SH3GL1: variants seen among roughly 807,000 people sequenced by gnomAD.
SH3GL1 encodes the protein SH3 domain containing GRB2 like 1, endophilin A2, also known as endophilin-A2.
SH3GL1 carries 21 observed loss-of-function variants against 48.8 expected under a neutral mutation model. The observed-to-expected ratio is 0.43, with a 90% CI of 0.30 to 0.62. The LOEUF is 0.62. Ranked by LOEUF, SH3GL1 falls within the 20% of genes least tolerant of loss-of-function variation. The pLI is 0.11. For synonymous variants in SH3GL1, 282 were observed against 217.5 expected (o/e 1.30, Z -2.61); for missense variants, 454 against 503.0 (o/e 0.90, Z 0.93).
chr19:4,371,519 C>T (rs936258771), intron 1 of SH3GL1, among the ~76,000 whole-genome samples: 1 of 152,248 alleles, frequency 6.6e-6, no homozygotes, highest in African/African-American at 2.4e-5. Flanking sequence ...GGTGCCCCAG[C>T]AGACTATCTG....
chr19:4,382,295 T>TCAC (rs1973151026), intron 1 of SH3GL1, among the ~76,000 whole-genome samples: 1 of 137,106 alleles, frequency 7.3e-6, no homozygotes, highest in Non-Finnish European at 1.6e-5. Context: ...TCTCGCTCTG[T>TCAC]CACCCAGGCT....
chr19:4,400,497 C>T lies in SH3GL1; in HGVS notation c.-129G>A, dbSNP rs557858161. ...CCGCCACCCGCTTGCCAGCTCCGCG[C>T]CCGCCCCGGCGCCGCCTCAGCCGCT... On this transcript the variant is annotated 5_prime_UTR_variant, in exon 1 of 10. Coordinates refer to ENST00000269886, the MANE Select transcript of SH3GL1 (RefSeq NM_003025.4). The surrounding 1 kb of genome is among the most constrained non-coding windows in gnomAD (Gnocchi z 4.1). 213 of 758,308 alleles carry T rather than the reference C, an allele frequency of 2.8e-4. No individual in the cohort carries two copies. In the African/African-American group the frequency reaches 3.7e-3, roughly 13 times the overall value. The allele number at this position is 758,308 out of a possible 1,614,324, so 47.0% of individuals were successfully genotyped here. A position where few individuals can be genotyped will look rare whatever the true frequency, so the allele number is the denominator to read the frequency against.
rs891838248 is a variant in SH3GL1 at position 4,362,402 on chromosome 19, C to T, written c.854-17G>A. 7 of 1,607,188 alleles carry T rather than the reference C, an allele frequency of 4.4e-6. No homozygotes were observed. The highest frequency in any genetic ancestry group is 1.7e-5 in the Admixed American group (1 of 58,986). ...ACGATGAAGCTAAACACAAGCAAAA[C>T]GAGGAGGCTGTGGGCTCAAAACGGT... On this transcript the variant is annotated splice_polypyrimidine_tract_variant and intron_variant, in intron 8 of 9. Coordinates refer to ENST00000269886, the MANE Select transcript of SH3GL1 (RefSeq NM_003025.4).
chr19:4,382,770 C>T (rs181817957), intron 1 of SH3GL1, among the ~76,000 whole-genome samples: 113 of 152,264 alleles, frequency 7.4e-4, no homozygotes, highest in Middle Eastern at 6.8e-3. Flanking sequence ...TCTCGTTATT[C>T]GTGGCAGCTC....
Position 4,361,722 on chromosome 19 carries a change from C to T in SH3GL1, c.985G>A (p.Glu329Lys). The part of the protein sequence containing the change: ...PENDGELGFH[E>K]GDVITLTNQI... ...TTGGTCAGCGTGATGACGTCGCCCT[C>T]ATGGAAGCCCAGCTCCCCGTCGTTC... The change falls in exon 10 of 10, where the codon GAG becomes AAG. Residue 329 changes from glutamate to lysine, a missense_variant. Physicochemically the swap from Glu to Lys is moderately conservative, Grantham distance 56 (BLOSUM62 1). This residue lies in a region of SH3GL1 where 278 missense variants were observed against 246.8 expected (regional missense o/e 1.13). Transcript: ENST00000269886. The T allele has an allele frequency of 6.2e-7, 1 of 1,613,310 alleles. No individual in the cohort carries two copies. Among genetic ancestry groups the T allele is most frequent in the Non-Finnish European group, 8.5e-7 (1 of 1,179,862 alleles).
At chr19:4,381,879 G>C (rs10424414) in intron 1 of SH3GL1, among the ~76,000 whole-genome samples, 1 of 151,442 alleles carries the variant, frequency 6.6e-6, no homozygotes, top group Non-Finnish European at 1.5e-5. Context: ...TTTTTTAGTA[G>C]AGACGGGGTT....
intron 1 of SH3GL1, among the ~76,000 whole-genome samples, chr19:4,399,853 G>A (rs1256449307): frequency 6.6e-6 from 1 of 152,160 alleles, no homozygotes; most frequent in East Asian, 1.9e-4. Context: ...CTGGCTGCCC[G>A]AGGAGCAGAG....
At position 4,400,468 on chromosome 19, in the gene SH3GL1, G is replaced by T; in HGVS notation, c.-100C>A. 9.3e-7 allele frequency: 1 copy of T among 1,077,578 alleles called. No homozygotes were observed. Among genetic ancestry groups the T allele is most frequent in the Non-Finnish European group, 1.2e-6 (1 of 862,034 alleles). 66.8% of individuals were successfully genotyped at this position (1,077,578 alleles called of 1,614,324 possible). ...CGCCTCAGCAGTCCCCGTCGGCGCC[G>T]CCTCCGCCACCCGCTTGCCAGCTCC... is the stretch of plus-strand genomic sequence containing the variant. On this transcript the variant is annotated 5_prime_UTR_variant, in exon 1 of 10. Coordinates refer to ENST00000269886, the MANE Select transcript of SH3GL1 (RefSeq NM_003025.4). This position sits in a 1 kb window ranked among gnomAD's most constrained non-coding sequence, Gnocchi z 4.1.
At chr19:4,379,847 G>A (rs747904121) in intron 1 of SH3GL1, among the ~76,000 whole-genome samples, 9 of 152,204 alleles carry the variant, frequency 5.9e-5, no homozygotes, top group Non-Finnish European at 8.8e-5. Context: ...TGGGGGGAAA[G>A]CAGCCCTGCC....
At chr19:4,361,903 C>A in intron 9 of SH3GL1, 107 bp from the exon 10 acceptor site, 1 of 792,850 alleles carries the variant, frequency 1.3e-6, no homozygotes, top group Non-Finnish European at 2.0e-6. Flanking sequence ...GCATGGGCCT[C>A]CCCTCTGCCC....
chr19:4,372,342 G>A (rs573899494), intron 1 of SH3GL1, among the ~76,000 whole-genome samples: 1 of 152,346 alleles, frequency 6.6e-6, no homozygotes, highest in Non-Finnish European at 1.5e-5. Context: ...GGACGTGGAG[G>A]AGGCGAGTGC....
intron 1 of SH3GL1, among the ~76,000 whole-genome samples, chr19:4,369,319 C>T (rs376624689): frequency 2.0e-5 from 3 of 152,232 alleles, no homozygotes; most frequent in East Asian, 1.9e-4. Context: ...TCAGAGCCAG[C>T]GGCTGCCGGA....
chr19:4,363,049 A>G (rs533807875), intron 7 of SH3GL1, among the ~76,000 whole-genome samples: 23 of 152,224 alleles, frequency 1.5e-4, no homozygotes, highest in Middle Eastern at 6.8e-3. Context: ...GGCGCCCCAC[A>G]TACGCCAAGG....
intron 1 of SH3GL1, among the ~76,000 whole-genome samples, chr19:4,384,531 G>A (rs1163379247): frequency 3.9e-5 from 6 of 152,196 alleles, no homozygotes; most frequent in Admixed American, 3.9e-4. Flanking sequence ...TGCCTAGGCT[G>A]GAGTGCAGTG....
intron 1 of SH3GL1, among the ~76,000 whole-genome samples, chr19:4,394,127 A>T (rs1973385882): frequency 5.1e-4 from 1 of 1,954 alleles, no homozygotes; most frequent in Admixed American, 6.1e-3. Flanking sequence ...CCTTTCAGGC[A>T]AAAAAAAAAA....
Position 4,365,644 on chromosome 19 carries a change from G to T in SH3GL1, c.188-19C>A, listed in dbSNP as rs760153068. 9.9e-6 allele frequency: 16 copies of T among 1,613,258 alleles called. No homozygotes were observed. The highest frequency in any genetic ancestry group is 1.4e-5 in the Non-Finnish European group (16 of 1,180,040). ...CGCGAGGCTGGGATAGGATGGCCAG[G>T]TGGGTGTGGGCTGTGAGGCCTGCAC... On this transcript the variant is annotated intron_variant, in intron 3 of 9. Coordinates refer to ENST00000269886, the MANE Select transcript of SH3GL1 (RefSeq NM_003025.4).
At chr19:4,370,911 C>T (rs1423305484) in intron 1 of SH3GL1, among the ~76,000 whole-genome samples, 1 of 152,228 alleles carries the variant, frequency 6.6e-6, no homozygotes, top group Non-Finnish European at 1.5e-5. Context: ...GCAAGACTGG[C>T]TTGTGGTCTT....
intron 9 of SH3GL1, 56 bp downstream of exon 9, chr19:4,362,269 ACCCT>A (rs1972638609): frequency 3.3e-6 from 5 of 1,510,864 alleles, no homozygotes; most frequent in Middle Eastern, 1.7e-4. Context: ...GAGGAGAAAC[ACCCT>A]CCCCGAATGG....
intron 1 of SH3GL1, among the ~76,000 whole-genome samples, chr19:4,379,494 G>C (rs576751888): frequency 6.6e-6 from 1 of 152,038 alleles, no homozygotes; most frequent in Non-Finnish European, 1.5e-5. Flanking sequence ...AAGAAGGTTG[G>C]TAGAAAATTC....
Sources: gnomAD v4.1 joint callset for allele counts (sites outside exome capture counted in the v4.1 genomes callset) on GRCh38, gnomAD v4.1.1 for gene constraint, gnomAD v4.1.1 regional missense constraint, Gnocchi (gnomAD v3.1) non-coding constraint, MANE v1.5 for transcripts, NCBI Gene and HGNC (gene_info 2026-07-23, HGNC 2026-07-21) for gene names.